CPNE4: variants seen among roughly 807,000 people sequenced by gnomAD.
CPNE4 encodes copine 4, also known as copine-4.
A neutral mutation model predicts 67.9 loss-of-function variants in CPNE4; 25 were observed. The observed-to-expected ratio is 0.37, with a 90% CI of 0.27 to 0.51. The LOEUF is 0.51. Among genes scored for constraint, CPNE4 ranks in the 20% least tolerant of loss-of-function variants. CPNE4 has a pLI of 0.93. For missense variants in CPNE4, 464 were observed against 690.8 expected (o/e 0.67, Z 3.68); for synonymous variants, 242 against 244.9 (o/e 0.99, Z 0.11).
Position 131,685,912 on chromosome 3 carries a change from T to C in CPNE4, c.554A>G (p.Asn185Ser). 8 of 1,613,530 alleles carry C rather than the reference T, an allele frequency of 5.0e-6. No individual in the cohort carries two copies. The highest frequency in any genetic ancestry group is 6.8e-6 in the Non-Finnish European group (8 of 1,179,478). Residue 185 changes from asparagine to serine, a missense_variant, in exon 6 of 16, where the codon AAT becomes AGT. This residue lies in a region of CPNE4 where 58 missense variants were observed against 63.5 expected (regional missense o/e 0.91). Coordinates refer to ENST00000429747, the MANE Select transcript of CPNE4 (RefSeq NM_130808.3). ...CACCAGCTGCTGAGTTGCATCATCATTCATACGAAAAATTTCCAGAAATGG... is the reference window on the plus strand; with the variant it reads ...CACCAGCTGCTGAGTTGCATCATCACTCATACGAAAAATTTCCAGAAATGG... ...SDPFLEIFRM[N>S]DDATQQLVHR... is the part of the protein sequence containing the mutation.
rs138506608 is a variant in CPNE4 at position 131,642,829 on chromosome 3, G to A, written c.681+26846C>T. The stretch of plus-strand genomic sequence containing the variant: ...GGCCTCCCCAGCCCTGCAGAACTGT[G>A]AGTCAATTAAACATCTTTCCTTTAT... On this transcript the variant is annotated intron_variant, in intron 7 of 15. Coordinates refer to ENST00000429747, the MANE Select transcript of CPNE4 (RefSeq NM_130808.3). Among the ~76,000 whole-genome samples the A allele has an allele frequency of 3.9e-3, 587 of 152,290 alleles. 4 individuals are homozygous for A. The highest frequency in any genetic ancestry group is 0.014 in the African/African-American group (569 of 41,566).
intron 1 of CPNE4, among the ~76,000 whole-genome samples, chr3:131,921,966 G>A (rs73206073): frequency 0.34 from 50,962 of 151,942 alleles, 8,991 homozygotes; most frequent in East Asian, 0.51. Context: ...GGGCACATGT[G>A]CAGGTCTGTT....
intron 1 of CPNE4, among the ~76,000 whole-genome samples, chr3:132,029,804 G>C (rs1242740967): frequency 1.3e-5 from 2 of 152,188 alleles, no homozygotes; most frequent in African/African-American, 4.8e-5. Context: ...ATTTAAGAAA[G>C]TTTGTTCTTT....
At chr3:131,550,476 G>C (rs1440062430) in intron 13 of CPNE4, among the ~76,000 whole-genome samples, 1 of 152,052 alleles carries the variant, frequency 6.6e-6, no homozygotes, top group East Asian at 1.9e-4. Flanking sequence ...ATTTAAACTT[G>C]GGTCTGCCTG....
chr3:131,934,396 G>A (rs2071159068), intron 1 of CPNE4, among the ~76,000 whole-genome samples: 1 of 152,128 alleles, frequency 6.6e-6, no homozygotes, highest in African/African-American at 2.4e-5. Context: ...ACTAAAAGGT[G>A]CAAGATCAAG....
intron 1 of CPNE4, among the ~76,000 whole-genome samples, chr3:131,941,371 A>C (rs1000072414): frequency 7.9e-5 from 12 of 152,184 alleles, no homozygotes; most frequent in African/African-American, 2.9e-4. Flanking sequence ...TTATGCCTTA[A>C]TGTTACATTG....
At chr3:131,602,825 C>T (rs1939280867) in intron 7 of CPNE4, among the ~76,000 whole-genome samples, 1 of 152,118 alleles carries the variant, frequency 6.6e-6, no homozygotes, top group Non-Finnish European at 1.5e-5. Flanking sequence ...TATGTGAGAA[C>T]CAGTTATTTT....
intron 2 of CPNE4, among the ~76,000 whole-genome samples, chr3:131,756,110 AG>A (rs2082745617): frequency 6.6e-6 from 1 of 152,278 alleles, no homozygotes; most frequent in African/African-American, 2.4e-5. Context: ...AATGACAAAA[AG>A]CTTTGGTGTT....
chr3:131,730,288 C>T (rs1359870699), intron 2 of CPNE4, among the ~76,000 whole-genome samples: 1 of 151,976 alleles, frequency 6.6e-6, no homozygotes, highest in African/African-American at 2.4e-5. Flanking sequence ...CCTAGGGAAA[C>T]ATAAAAATAA....
chr3:131,927,419 C>T (rs2070926173), intron 1 of CPNE4, among the ~76,000 whole-genome samples: 1 of 132,578 alleles, frequency 7.5e-6, no homozygotes, highest in African/African-American at 2.8e-5. Context: ...ATGTTTCTTT[C>T]CTTCCTACCA....
intron 10 of CPNE4, among the ~76,000 whole-genome samples, chr3:131,570,356 T>C (rs1937276409): frequency 6.6e-6 from 1 of 151,814 alleles, no homozygotes; most frequent in Non-Finnish European, 1.5e-5. Flanking sequence ...TTTATTATAC[T>C]CTAAGTTTTA....
intron 1 of CPNE4, among the ~76,000 whole-genome samples, chr3:132,019,515 A>G (rs2073949816): frequency 6.6e-6 from 1 of 152,126 alleles, no homozygotes; most frequent in Non-Finnish European, 1.5e-5. Context: ...TATATTATTG[A>G]GACATATAAA....
At chr3:131,791,237 T>G (rs2083710005) in intron 2 of CPNE4, among the ~76,000 whole-genome samples, 1 of 152,184 alleles carries the variant, frequency 6.6e-6, no homozygotes, top group African/African-American at 2.4e-5. Context: ...CTGAGAAATT[T>G]TTTCTTATAA....
At chr3:131,981,653 T>C (rs1176496462) in intron 1 of CPNE4, among the ~76,000 whole-genome samples, 2 of 152,176 alleles carry the variant, frequency 1.3e-5, no homozygotes, top group Non-Finnish European at 2.9e-5. Flanking sequence ...GAGCTATAGA[T>C]ATGCTTCTCC....
At chr3:131,984,946 A>T (rs1265297613) in intron 1 of CPNE4, among the ~76,000 whole-genome samples, 1 of 152,120 alleles carries the variant, frequency 6.6e-6, no homozygotes, top group Non-Finnish European at 1.5e-5. Flanking sequence ...TCCATCTACT[A>T]CCAGTATTTC....
chr3:131,654,332 A>G (rs1412843668), intron 7 of CPNE4, among the ~76,000 whole-genome samples: 3 of 152,070 alleles, frequency 2.0e-5, no homozygotes, highest in Non-Finnish European at 4.4e-5. Flanking sequence ...ATTTTTGTAC[A>G]GATTGTTTTG....
At chr3:131,998,320 G>C (rs1016354776) in intron 1 of CPNE4, among the ~76,000 whole-genome samples, 4 of 152,014 alleles carry the variant, frequency 2.6e-5, no homozygotes, top group Admixed American at 6.6e-5. Context: ...GTAAGGTAAG[G>C]GTTTCTTCCT....
intron 7 of CPNE4, among the ~76,000 whole-genome samples, chr3:131,643,107 A>G (rs2079577698): frequency 6.6e-6 from 1 of 152,228 alleles, no homozygotes; most frequent in Non-Finnish European, 1.5e-5. Context: ...GATATGGACA[A>G]TTAATTCCAG....
chr3:131,794,465 G>C (rs55699726), intron 2 of CPNE4, among the ~76,000 whole-genome samples: 1 of 151,964 alleles, frequency 6.6e-6, no homozygotes, highest in South Asian at 2.1e-4. Flanking sequence ...GGATGGTGTC[G>C]ATCTCTTGAC....
Sources: allele counts gnomAD v4.1 joint callset (sites outside exome capture counted in the v4.1 genomes callset), GRCh38; gene constraint gnomAD v4.1.1; regional missense constraint gnomAD v4.1.1; transcripts MANE v1.5; gene names NCBI Gene and HGNC (gene_info 2026-07-23, HGNC 2026-07-21).